PHLDB2: variants seen among roughly 807,000 people sequenced by gnomAD.
The protein encoded by PHLDB2 is pleckstrin homology like domain family B member 2.
In PHLDB2, 71 loss-of-function variants were observed where a neutral mutation model predicts 123.6. The observed-to-expected ratio is 0.57, with a 90% CI of 0.47 to 0.70. The LOEUF (loss-of-function observed/expected upper bound fraction) is 0.70. PHLDB2 is among the 30% of genes least tolerant of loss of function. The pLI, the probability that PHLDB2 is intolerant of heterozygous loss-of-function variation, is 0.00. For missense variants in PHLDB2, 1,446 were observed against 1,519.5 expected (o/e 0.95, Z 0.80); for synonymous variants, 547 against 541.6 (o/e 1.01, Z -0.14).
chr3:111,883,459 C>G (rs1030969815), intron 1 of PHLDB2, among the ~76,000 whole-genome samples: 1 of 152,168 alleles, frequency 6.6e-6, no homozygotes, highest in Admixed American at 6.5e-5. Flanking sequence ...GTGGAATACC[C>G]TTTTCTTTGT....
At chr3:111,801,216 AAGAC>A (rs1364527436) in intron 1 of PHLDB2, among the ~76,000 whole-genome samples, 2 of 152,230 alleles carry the variant, frequency 1.3e-5, no homozygotes, top group African/African-American at 4.8e-5. Flanking sequence ...TAAGAATTTC[AAGAC>A]AGTCACAACA....
intron 1 of PHLDB2, among the ~76,000 whole-genome samples, chr3:111,787,310 A>G (rs1310382128): frequency 1.3e-5 from 2 of 152,194 alleles, no homozygotes; most frequent in Non-Finnish European, 1.5e-5. Context: ...GCCATTTGGG[A>G]GTATTTACTG....
At position 111,962,018 on chromosome 3, in the gene PHLDB2, GT is replaced by G. The variant is rs1333171255; in HGVS notation, c.2873-87del. On this transcript the variant is annotated intron_variant, in intron 12 of 17. Coordinates refer to ENST00000431670, the MANE Select transcript of PHLDB2 (RefSeq NM_001134438.2). ...CAAGGCCCAAGCTTCATAGGCAGAT[GT>G]TTCTGGTTGCTGGCTTGTGTCTGTA... is the stretch of plus-strand genomic sequence containing the variant. 1.6e-5 allele frequency: 20 copies of G among 1,236,598 alleles called. No homozygotes were observed. The East Asian group carries it at 4.5e-4, about 28-fold the overall frequency. The allele number at this position is 1,236,598 out of a possible 1,614,324, so 76.6% of individuals were successfully genotyped here.
At chr3:111,863,758 A>G (rs941781655) in intron 1 of PHLDB2, among the ~76,000 whole-genome samples, 2 of 152,174 alleles carry the variant, frequency 1.3e-5, no homozygotes, top group East Asian at 3.8e-4. Context: ...AGTTATTGTT[A>G]ATTACTTGGG....
intron 1 of PHLDB2, 180 bp from the exon 2 acceptor site, chr3:111,883,884 A>G (rs548159488): frequency 1.7e-6 from 1 of 580,546 alleles, no homozygotes; most frequent in Non-Finnish European, 3.0e-6. Flanking sequence ...CAGGTCAATG[A>G]TCTTTATTCT....
chr3:111,762,320 T>A (rs183846676), intron 1 of PHLDB2, among the ~76,000 whole-genome samples: 2 of 152,352 alleles, frequency 1.3e-5, no homozygotes, highest in African/African-American at 4.8e-5. Flanking sequence ...CAATAAATGC[T>A]AACTATATGT....
Position 111,792,194 on chromosome 3 carries a change from T to C in PHLDB2, c.-48-53627T>C, listed in dbSNP as rs750815347. 3.9e-5 allele frequency among the ~76,000 whole-genome samples: 6 copies of C among 152,370 alleles called. No homozygotes were observed. In the South Asian group the frequency reaches 1.2e-3, roughly 32 times the overall value. On this transcript the variant is annotated intron_variant, in intron 1 of 17. Coordinates refer to the PHLDB2 transcript ENST00000393923. ...TTCAGTATTTCTTGTAAGACCAGTC[T>C]AGTGGTGACAAATATCTTCAGTTTT...
At chr3:111,967,642 T>C in intron 14 of PHLDB2, 36 bp from the exon 15 acceptor site, 1 of 1,568,796 alleles carries the variant, frequency 6.4e-7, no homozygotes, top group Non-Finnish European at 8.6e-7. Context: ...ATAACCAGTA[T>C]GTTTTAAAAT....
intron 1 of PHLDB2, among the ~76,000 whole-genome samples, chr3:111,842,800 A>G (rs1015002316): frequency 6.6e-6 from 1 of 152,016 alleles, no homozygotes; most frequent in Non-Finnish European, 1.5e-5. Context: ...CCACAAATCT[A>G]TTTTCTGTCT....
chr3:111,927,370 A>T (rs564069328), intron 5 of PHLDB2, among the ~76,000 whole-genome samples: 1 of 152,222 alleles, frequency 6.6e-6, no homozygotes, highest in Admixed American at 6.5e-5. Flanking sequence ...CTGTCAAATA[A>T]ATAAATAAAT....
intron 1 of PHLDB2, among the ~76,000 whole-genome samples, chr3:111,830,115 T>G (rs1019691006): frequency 6.6e-6 from 1 of 152,194 alleles, no homozygotes; most frequent in Non-Finnish European, 1.5e-5. Flanking sequence ...ATAAAGCTAC[T>G]AAAATTTGGA....
intron 2 of PHLDB2, among the ~76,000 whole-genome samples, chr3:111,909,582 T>A (rs78873343): frequency 0.021 from 3,165 of 152,182 alleles, 129 homozygotes; most frequent in African/African-American, 0.072. Flanking sequence ...TGGGTGACAT[T>A]GACAGACTTT....
intron 5 of PHLDB2, among the ~76,000 whole-genome samples, chr3:111,923,169 T>G (rs980949366): frequency 2.6e-5 from 4 of 152,214 alleles, no homozygotes; most frequent in Non-Finnish European, 4.4e-5. Flanking sequence ...CCACTCCAGT[T>G]GGCTTAGACC....
intron 2 of PHLDB2, among the ~76,000 whole-genome samples, chr3:111,908,539 G>A (rs1408763777): frequency 6.6e-6 from 1 of 152,200 alleles, no homozygotes; most frequent in African/African-American, 2.4e-5. Context: ...GAGCCACTCT[G>A]CCATGTTAGA....
chr3:111,869,577 G>A (rs983620055), intron 1 of PHLDB2, among the ~76,000 whole-genome samples: 7 of 152,148 alleles, frequency 4.6e-5, no homozygotes, highest in African/African-American at 1.4e-4. Flanking sequence ...TTTCTCTCCA[G>A]CCCTGTCACC....
chr3:111,743,807 G>C (rs192092527), intron 1 of PHLDB2, among the ~76,000 whole-genome samples: 2 of 152,166 alleles, frequency 1.3e-5, no homozygotes, highest in African/African-American at 4.8e-5. Context: ...CAATTTGCCT[G>C]TTTCCTGAAG....
chr3:111,762,704 G>A (rs2060015618), intron 1 of PHLDB2, among the ~76,000 whole-genome samples: 2 of 152,120 alleles, frequency 1.3e-5, no homozygotes, highest in Admixed American at 1.3e-4. Flanking sequence ...GTTTGTGTCT[G>A]AAATGGAAAA....
chr3:111,767,712 A>C (rs536913628), intron 1 of PHLDB2, among the ~76,000 whole-genome samples: 9 of 152,328 alleles, frequency 5.9e-5, no homozygotes, highest in Non-Finnish European at 1.3e-4. Context: ...CATTGTTCTC[A>C]TTCTCAACAG....
At chr3:111,780,288 A>AGAG (rs1559827009) in intron 1 of PHLDB2, among the ~76,000 whole-genome samples, 254 of 4,206 alleles carry the variant, frequency 0.06, 26 homozygotes, top group South Asian at 0.2. Context: ...AAGAAGAAGA[A>AGAG]GAAGAAGAGG....
Sources: allele counts gnomAD v4.1 joint callset (sites outside exome capture counted in the v4.1 genomes callset), GRCh38; gene constraint gnomAD v4.1.1; transcripts MANE v1.5; gene names NCBI Gene and HGNC (gene_info 2026-07-23, HGNC 2026-07-21).